MAP3K5: variants seen among roughly 807,000 people sequenced by gnomAD.
MAP3K5 encodes ASK-1.
In MAP3K5, 56 loss-of-function variants were observed where a neutral mutation model predicts 158.7. That is an observed-to-expected ratio of 0.35 (90% CI 0.28 to 0.44). The LOEUF (loss-of-function observed/expected upper bound fraction) is 0.44. Among genes scored for constraint, MAP3K5 ranks in the 20% least tolerant of loss-of-function variants. The pLI is 1.00. For synonymous variants in MAP3K5, 579 were observed against 601.7 expected, an observed-to-expected ratio of 0.96 and a Z score of 0.55; for missense variants, 1,294 against 1,674.8, an observed-to-expected ratio of 0.77 and a Z score of 3.97.
At chr6:136,658,309 C>CTT (rs1352808549) in intron 9 of MAP3K5, among the ~76,000 whole-genome samples, 156 of 75,648 alleles carry the variant, frequency 2.1e-3, no homozygotes, top group African/African-American at 5.4e-3. Flanking sequence ...TTCTTTCTTT[C>CTT]TTTCTTTTTT....
chr6:136,749,074 C>G (rs902295529), intron 1 of MAP3K5, among the ~76,000 whole-genome samples: 1 of 152,226 alleles, frequency 6.6e-6, no homozygotes, highest in Non-Finnish European at 1.5e-5. Context: ...CACAGTGGCT[C>G]ATGCCTATAA....
intron 1 of MAP3K5, among the ~76,000 whole-genome samples, chr6:136,783,549 A>G (rs1784709350): frequency 6.6e-6 from 1 of 152,120 alleles, no homozygotes. Context: ...ATAACCACAT[A>G]GCTGTGGGTT....
At chr6:136,767,058 A>G (rs1371299475) in intron 1 of MAP3K5, among the ~76,000 whole-genome samples, 2 of 152,210 alleles carry the variant, frequency 1.3e-5, no homozygotes, top group African/African-American at 2.4e-5. Context: ...TCTATTTCAT[A>G]TATGTATATA....
intron 7 of MAP3K5, among the ~76,000 whole-genome samples, chr6:136,675,612 T>C (rs78128325): frequency 1.3e-5 from 2 of 152,138 alleles, no homozygotes; most frequent in Non-Finnish European, 2.9e-5. Context: ...GTAATGAAAG[T>C]CTAATAGATA....
intron 8 of MAP3K5, among the ~76,000 whole-genome samples, chr6:136,660,755 GA>G (rs752957211): frequency 3.9e-5 from 6 of 152,118 alleles, no homozygotes; most frequent in Non-Finnish European, 8.8e-5. Context: ...TATCATATGG[GA>G]AGATAAGGCC....
chr6:136,661,549 C>T (rs1028289185), intron 8 of MAP3K5, among the ~76,000 whole-genome samples: 1 of 152,060 alleles, frequency 6.6e-6, no homozygotes, highest in Non-Finnish European at 1.5e-5. Flanking sequence ...GCATGAGCCA[C>T]CACACCTAGC....
At chr6:136,569,515 T>C (rs754507337) in intron 25 of MAP3K5, among the ~76,000 whole-genome samples, 1 of 152,218 alleles carries the variant, frequency 6.6e-6, no homozygotes, top group Non-Finnish European at 1.5e-5. Flanking sequence ...TTCAACCAAT[T>C]GCCAATCTTT....
In MAP3K5 at chr6:136,669,342, G is replaced by A. The variant is rs150422962; in HGVS notation, c.1307C>T (p.Ala436Val). ...EPTLQSGINY[A>V]VLLLAAGHQF... ...GTGTCCAGCTGCCAGGAGGAGGACC[G>A]CATAATTAATTCCTGACTGTAGTGT... The change falls in exon 8 of 30, where the codon GCG (alanine) becomes GTG (valine). Residue 436 changes from alanine (A) to valine (V), a missense_variant. Ala to Val is a moderately conservative substitution (Grantham distance 64, BLOSUM62 0). Transcript: ENST00000359015. 5.7e-5 allele frequency: 92 copies of A among 1,613,612 alleles called. 1 individual carries two copies. Among genetic ancestry groups the A allele is most frequent in the South Asian group, 7.7e-5 (7 of 91,020 alleles).
At position 136,619,470 on chromosome 6, in the gene MAP3K5, G is replaced by A. The variant is rs117816752; in HGVS notation, c.2150+3378C>T. On this transcript the variant is annotated intron_variant, in intron 15 of 29. Transcript: ENST00000359015. ...CAGTTCGTAAGTTCACAGAAAAATT[G>A]AGAGGGAGGTACAGAGATTTCCCAC... is the stretch of plus-strand genomic sequence containing the variant. Among the ~76,000 whole-genome samples, 51 of 152,278 alleles carry A rather than the reference G, an allele frequency of 3.3e-4. 1 individual carries two copies. In the East Asian group the frequency reaches 9.3e-3, roughly 28 times the overall value.
chr6:136,662,934 G>A (rs1779068165), intron 8 of MAP3K5, among the ~76,000 whole-genome samples: 1 of 152,178 alleles, frequency 6.6e-6, no homozygotes, highest in Non-Finnish European at 1.5e-5. Flanking sequence ...TGACAATGCT[G>A]TCATTAAAAT....
chr6:136,597,560 C>T (rs1017935144), intron 21 of MAP3K5, among the ~76,000 whole-genome samples: 1 of 152,190 alleles, frequency 6.6e-6, no homozygotes, highest in Non-Finnish European at 1.5e-5. Flanking sequence ...GCAGTGATGA[C>T]AAGAATCATC....
chr6:136,709,160 G>C (rs984544386), intron 2 of MAP3K5, among the ~76,000 whole-genome samples: 6 of 152,136 alleles, frequency 3.9e-5, no homozygotes, highest in Admixed American at 2.0e-4. Flanking sequence ...TTCCTCGCGT[G>C]CAAAGACCAT....
At chr6:136,633,428 T>C (rs1777470887) in intron 14 of MAP3K5, among the ~76,000 whole-genome samples, 1 of 148,910 alleles carries the variant, frequency 6.7e-6, no homozygotes, top group Non-Finnish European at 1.5e-5. Flanking sequence ...AATATATGTA[T>C]ATATATATAT....
chr6:136,720,726 G>C, intron 1 of MAP3K5, 137 bp from the exon 2 acceptor site: 3 of 660,486 alleles, frequency 4.5e-6, no homozygotes, highest in Non-Finnish European at 7.5e-6. Flanking sequence ...ATTTATCACT[G>C]AATTTTGAAT....
At chr6:136,656,547 T>C in intron 9 of MAP3K5, 87 bp from the exon 10 acceptor site, 1 of 798,848 alleles carries the variant, frequency 1.3e-6, no homozygotes, top group Non-Finnish European at 2.0e-6. Context: ...GTAAATGTAA[T>C]TTATACATGA....
intron 25 of MAP3K5, among the ~76,000 whole-genome samples, 167 bp from the exon 26 acceptor site, chr6:136,568,041 T>C (rs1774197412): frequency 6.6e-6 from 1 of 152,160 alleles, no homozygotes; most frequent in Non-Finnish European, 1.5e-5. Context: ...TGTTCTTCTA[T>C]TGAACTTGCA....
At chr6:136,752,917 C>A (rs1170246397) in intron 1 of MAP3K5, among the ~76,000 whole-genome samples, 2 of 152,200 alleles carry the variant, frequency 1.3e-5, no homozygotes, top group Non-Finnish European at 2.9e-5. Context: ...CTGCCTGGTA[C>A]ATGCTCATCC....
intron 7 of MAP3K5, among the ~76,000 whole-genome samples, chr6:136,687,754 T>C (rs2114626846): frequency 6.6e-6 from 1 of 152,224 alleles, no homozygotes; most frequent in Non-Finnish European, 1.5e-5. Flanking sequence ...CGGTGATCAT[T>C]AAAAAGTCAA....
chr6:136,605,730 T>C (rs1776070807), intron 18 of MAP3K5, among the ~76,000 whole-genome samples: 1 of 152,232 alleles, frequency 6.6e-6, no homozygotes, highest in Non-Finnish European at 1.5e-5. Context: ...TTGAAGTGCA[T>C]GAAGACTGTT....
Sources: gnomAD v4.1 joint callset for allele counts (sites outside exome capture counted in the v4.1 genomes callset) on GRCh38, gnomAD v4.1.1 for gene constraint, MANE v1.5 for transcripts, NCBI Gene and HGNC (gene_info 2026-07-23, HGNC 2026-07-21) for gene names.